Variants in VCF1 observed in about 807,000 individuals in gnomAD.
The protein encoded by VCF1 is VCP nuclear cofactor family member 1, also known as protein VCF1.
At chr17:73,220,276 T>C in the VCF1 span, among the ~76,000 whole-genome samples, 1 of 152,190 alleles carries the variant, frequency 6.6e-6, no homozygotes, top group African/African-American at 2.4e-5. Context: ...AATGAATTTA[T>C]AGACTCCTAA....
chr17:73,226,033 C>G, the VCF1 span, among the ~76,000 whole-genome samples: 2 of 151,392 alleles, frequency 1.3e-5, no homozygotes, highest in African/African-American at 2.4e-5. Context: ...TCCCAAGTAG[C>G]TGGGATTACA....
chr17:73,216,119 G>A, the VCF1 span, among the ~76,000 whole-genome samples: 1 of 152,112 alleles, frequency 6.6e-6, no homozygotes, highest in South Asian at 2.1e-4. Flanking sequence ...GGAATCTGTG[G>A]GAGATGAATG....
chr17:73,222,814 C>G, the VCF1 span, among the ~76,000 whole-genome samples: 1 of 151,688 alleles, frequency 6.6e-6, no homozygotes, highest in Non-Finnish European at 1.5e-5. Context: ...GAAGACTAGG[C>G]TCTAGCTGCT....
chr17:73,227,156 A>G, the VCF1 span: 2 of 1,556,686 alleles, frequency 1.3e-6, no homozygotes, highest in Middle Eastern at 1.7e-4. Context: ...ATGTGACCAC[A>G]CTTCCTACCT....
the VCF1 span, among the ~76,000 whole-genome samples, chr17:73,224,915 G>GC: frequency 9.7e-5 from 11 of 112,966 alleles, no homozygotes; most frequent in African/African-American, 4.1e-4. Flanking sequence ...GACAGGACAG[G>GC]ACAGGACAGG....
chr17:73,208,027 T>C, the VCF1 span: 1 of 1,333,930 alleles, frequency 7.5e-7, no homozygotes, highest in Non-Finnish European at 9.6e-7. Flanking sequence ...GCAGTGATCT[T>C]TCAGTTCTGC....
At chr17:73,227,049 T>C in the VCF1 span, 7 of 771,316 alleles carry the variant, frequency 9.1e-6, no homozygotes, top group Non-Finnish European at 1.4e-5. Context: ...GTTAAACCAG[T>C]ATAATCAACT....
the VCF1 span, among the ~76,000 whole-genome samples, chr17:73,220,254 T>C: frequency 1.3e-5 from 2 of 152,186 alleles, no homozygotes; most frequent in Admixed American, 1.3e-4. Flanking sequence ...CTAATTCTTA[T>C]CAGTTAAAAC....
the VCF1 span, among the ~76,000 whole-genome samples, chr17:73,224,650 C>G: frequency 2.0e-5 from 3 of 152,204 alleles, no homozygotes; most frequent in Non-Finnish European, 4.4e-5. Context: ...TGTCCCTAAA[C>G]TTGATTTTTT....
At chr17:73,209,444 T>C in the VCF1 span, 1 of 1,486,136 alleles carries the variant, frequency 6.7e-7, no homozygotes, top group Admixed American at 2.2e-5. Flanking sequence ...TCGTGTGCAA[T>C]TTTTCTTTTA....
chr17:73,213,867 G>A, the VCF1 span, among the ~76,000 whole-genome samples: 126 of 152,274 alleles, frequency 8.3e-4, no homozygotes, highest in South Asian at 1.2e-3. Context: ...CTTCTCAGGA[G>A]GCTGAGACAG....
At chr17:73,229,029 TATGA>T in the VCF1 span, among the ~76,000 whole-genome samples, 1 of 152,192 alleles carries the variant, frequency 6.6e-6, no homozygotes, top group Non-Finnish European at 1.5e-5. Context: ...GGGACAAGAC[TATGA>T]ATGTCAAGGA....
chr17:73,213,730 G>T, the VCF1 span, among the ~76,000 whole-genome samples: 1 of 152,198 alleles, frequency 6.6e-6, no homozygotes, highest in Non-Finnish European at 1.5e-5. Flanking sequence ...AGCACTTTGG[G>T]AGGCTGAGGC....
chr17:73,220,836 A>AT, the VCF1 span, among the ~76,000 whole-genome samples: 1 of 150,034 alleles, frequency 6.7e-6, no homozygotes, highest in Non-Finnish European at 1.5e-5. Context: ...AGTTAAAGGT[A>AT]TTAAAAAAAA....
At chr17:73,225,924 C>T in the VCF1 span, among the ~76,000 whole-genome samples, 3 of 112,560 alleles carry the variant, frequency 2.7e-5, no homozygotes, top group African/African-American at 3.6e-5. Context: ...TTTTCTGAAA[C>T]GGAGTCTTGC....
the VCF1 span, chr17:73,207,410 G>GT: frequency 2.9e-4 from 226 of 789,188 alleles, 1 homozygote; most frequent in Non-Finnish European, 4.6e-4. Context: ...GAAGTACAAG[G>GT]TTTTACTAGC....
the VCF1 span, chr17:73,232,077 C>T: frequency 2.5e-6 from 4 of 1,595,650 alleles, no homozygotes; most frequent in African/African-American, 2.7e-5. Context: ...GGGGTCCCTT[C>T]CCTCTCACCT....
At chr17:73,223,715 AAAAG>A in the VCF1 span, among the ~76,000 whole-genome samples, 1 of 152,182 alleles carries the variant, frequency 6.6e-6, no homozygotes. Context: ...GTTAACAAAA[AAAAG>A]AAAATAAGAA....
At chr17:73,227,158 T>C in the VCF1 span, 4 of 1,568,024 alleles carry the variant, frequency 2.6e-6, no homozygotes, top group African/African-American at 5.5e-5. Context: ...GTGACCACAC[T>C]TCCTACCTCT....
Sources: allele counts gnomAD v4.1 joint callset (sites outside exome capture counted in the v4.1 genomes callset), GRCh38; gene constraint gnomAD v4.1.1; transcripts MANE v1.5; gene names NCBI Gene and HGNC (gene_info 2026-07-23, HGNC 2026-07-21).